SFSWAP: variants seen among roughly 807,000 people sequenced by gnomAD.
SFSWAP encodes the protein splicing factor, suppressor of white-apricot homolog.
SFSWAP carries 17 observed loss-of-function variants against 100.7 expected under a neutral mutation model. The observed-to-expected ratio is 0.17, with a 90% CI of 0.12 to 0.25. SFSWAP has a LOEUF of 0.25. Among genes scored for constraint, SFSWAP ranks in the 10% least tolerant of loss-of-function variants. The pLI, the probability that SFSWAP is intolerant of heterozygous loss-of-function variation, is 1.00. For missense variants in SFSWAP, 1,005 were observed against 1,262.6 expected, an observed-to-expected ratio of 0.80 and a Z score of 3.09; for synonymous variants, 504 against 510.1, an observed-to-expected ratio of 0.99 and a Z score of 0.16.
intron 7 of SFSWAP, among the ~76,000 whole-genome samples, chr12:131,728,859 C>A (rs2136191579): frequency 6.6e-6 from 1 of 152,202 alleles, no homozygotes; most frequent in East Asian, 1.9e-4. Context: ...TAACACTGGG[C>A]TAATTTTGAT....
chr12:131,785,030 C>G, intron 14 of SFSWAP: 1 of 1,495,696 alleles, frequency 6.7e-7, no homozygotes, highest in Non-Finnish European at 8.9e-7. Flanking sequence ...CCCAGCCCAG[C>G]ACCTTTTATT....
At chr12:131,728,187 T>C in intron 6 of SFSWAP, 106 bp from the exon 7 acceptor site, 1 of 1,340,488 alleles carries the variant, frequency 7.5e-7, no homozygotes, top group Admixed American at 1.8e-5. Context: ...GTGTGTGTTT[T>C]TTCTAAGGCA....
intron 16 of SFSWAP, 145 bp from the exon 17 acceptor site, chr12:131,798,892 A>G (rs1885867650): frequency 5.5e-6 from 1 of 180,932 alleles, no homozygotes; most frequent in Non-Finnish European, 1.2e-5. Context: ...TCTTGTCTGG[A>G]AAAAAAAAAA....
At chr12:131,775,435 G>A (rs55807737) in intron 13 of SFSWAP, among the ~76,000 whole-genome samples, 4,011 of 152,244 alleles carry the variant, frequency 0.026, 166 homozygotes, top group African/African-American at 0.091. Flanking sequence ...TGCTTTCTGC[G>A]CAGCGTGTGC....
intron 11 of SFSWAP, among the ~76,000 whole-genome samples, chr12:131,759,743 A>T (rs995829852): frequency 3.3e-5 from 5 of 151,968 alleles, no homozygotes; most frequent in African/African-American, 1.2e-4. Context: ...CGGAGCTTGC[A>T]GTGAACCGAG....
In SFSWAP at chr12:131,730,362, AGATC is replaced by A. The variant is rs1432144089; in HGVS notation, c.1081+1935_1081+1938del. On this transcript the variant is annotated intron_variant, in intron 7 of 17. Transcript: ENST00000261674. This position sits in a 1 kb window ranked among gnomAD's most constrained non-coding sequence, Gnocchi z 4.0. The stretch of plus-strand genomic sequence containing the variant: ...AATGCATTGTCCGTGCACGTCCACC[AGATC>A]CCTGAAGCTGCTGCAAAGCAGAGGA... 6.6e-6 allele frequency among the ~76,000 whole-genome samples: 1 copy of A among 152,230 alleles called. No individual in the cohort carries two copies. Among genetic ancestry groups the A allele is most frequent in the African/African-American group, 2.4e-5 (1 of 41,466 alleles).
intron 13 of SFSWAP, among the ~76,000 whole-genome samples, chr12:131,773,856 G>T (rs1224491680): frequency 6.6e-6 from 1 of 152,208 alleles, no homozygotes; most frequent in Non-Finnish European, 1.5e-5. Context: ...ATTTCCATCA[G>T]GACAGCACAG....
chr12:131,753,176 T>C lies in SFSWAP; in HGVS notation c.1135T>C (p.Cys379Arg), dbSNP rs1881815003. 6.2e-7 allele frequency: 1 copy of C among 1,614,180 alleles called. No individual in the cohort carries two copies. Among genetic ancestry groups the C allele is most frequent in the South Asian group, 1.1e-5 (1 of 91,086 alleles). Residue 379 changes from cysteine to arginine, a missense_variant, in exon 8 of 18, where the codon TGC (cysteine) becomes CGC (arginine). Cys to Arg is a radical substitution (Grantham distance 180, BLOSUM62 -3). Transcript: ENST00000261674. ...CTACATGCTACCGGACGGCACTTAC[T>C]GCCTGGCGCCGCCCCCTCCCGGAAT... ...SYYMLPDGTY[C>R]LAPPPPGIDV...
chr12:131,755,360 C>T, intron 9 of SFSWAP, 26 bp from the exon 10 acceptor site: 1 of 1,535,314 alleles, frequency 6.5e-7, no homozygotes, highest in Non-Finnish European at 9.0e-7. Flanking sequence ...TGGTAAATGA[C>T]CCATTTTCTT....
At chr12:131,763,677 A>G (rs1288999581) in intron 11 of SFSWAP, among the ~76,000 whole-genome samples, 1 of 152,192 alleles carries the variant, frequency 6.6e-6, no homozygotes, top group Non-Finnish European at 1.5e-5. Context: ...TTTGCTGAAT[A>G]AAGGCATGGA....
intron 11 of SFSWAP, among the ~76,000 whole-genome samples, chr12:131,760,467 A>G (rs1048852856): frequency 6.6e-6 from 1 of 152,144 alleles, no homozygotes; most frequent in African/African-American, 2.4e-5. Flanking sequence ...TTGCCTCTCA[A>G]ATTGATAAAG....
intron 7 of SFSWAP, among the ~76,000 whole-genome samples, chr12:131,736,047 A>G (rs1169853624): frequency 6.6e-6 from 1 of 152,246 alleles, no homozygotes; most frequent in Non-Finnish European, 1.5e-5. Context: ...ACCAGCCAAC[A>G]CAGCAAGATG....
chr12:131,763,044 G>A (rs1882808585), intron 11 of SFSWAP, among the ~76,000 whole-genome samples: 1 of 152,166 alleles, frequency 6.6e-6, no homozygotes. Flanking sequence ...AAATACTGCT[G>A]TCCCGGTATC....
chr12:131,762,812 G>C (rs1882788177), intron 11 of SFSWAP, among the ~76,000 whole-genome samples: 1 of 152,190 alleles, frequency 6.6e-6, no homozygotes, highest in Admixed American at 6.5e-5. Flanking sequence ...TGTTGGCCCT[G>C]CTGGTCTTGA....
rs188137005 is a variant in SFSWAP at position 131,723,104 on chromosome 12, T to C, written c.607-2301T>C. ...GACCGACTCCAGAGCTCTGAACCAC[T>C]AAAGTTAAGCTTTATCGAATTTGTG... On this transcript the variant is annotated intron_variant, in intron 4 of 17. Transcript: ENST00000261674. 3.6e-3 allele frequency among the ~76,000 whole-genome samples: 547 copies of C among 152,352 alleles called. 5 individuals carry two copies. Among genetic ancestry groups the C allele is most frequent in the South Asian group, 0.033 (159 of 4,828 alleles).
rs373344686 is a variant in SFSWAP at position 131,763,990 on chromosome 12, G to A, written c.1721-466G>A. 5.9e-5 allele frequency among the ~76,000 whole-genome samples: 9 copies of A among 152,098 alleles called. No homozygotes were observed. The East Asian group carries it at 1.2e-3, about 20-fold the overall frequency. ...AAATAGAAAAATTTAGCCAGGCATG[G>A]CAGCGGGCGCCTGTACTCCCAGCTA... On this transcript the variant is annotated intron_variant, in intron 11 of 17. Coordinates refer to ENST00000261674, the MANE Select transcript of SFSWAP (RefSeq NM_004592.4).
intron 13 of SFSWAP, among the ~76,000 whole-genome samples, chr12:131,777,715 C>T (rs189576297): frequency 8.1e-4 from 123 of 152,278 alleles, no homozygotes; most frequent in African/African-American, 2.8e-3. Flanking sequence ...TGAGGAATGG[C>T]CACACTGACT....
chr12:131,753,430 G>C (rs904165070), intron 8 of SFSWAP, 67 bp downstream of exon 8: 17 of 1,528,080 alleles, frequency 1.1e-5, no homozygotes, highest in Admixed American at 2.0e-5. Flanking sequence ...GGGGCCGTCT[G>C]TGTCTCCATG....
chr12:131,787,189 C>T (rs183864495), intron 15 of SFSWAP, among the ~76,000 whole-genome samples: 1 of 152,314 alleles, frequency 6.6e-6, no homozygotes, highest in Non-Finnish European at 1.5e-5. Context: ...TGGTGCCTGG[C>T]AGGGCCTCTG....
Sources: allele counts gnomAD v4.1 joint callset (sites outside exome capture counted in the v4.1 genomes callset), GRCh38; gene constraint gnomAD v4.1.1; non-coding constraint Gnocchi (gnomAD v3.1); transcripts MANE v1.5; gene names NCBI Gene and HGNC (gene_info 2026-07-23, HGNC 2026-07-21).